NELL2: variants seen among roughly 807,000 people sequenced by gnomAD.
NELL2 encodes the protein neural EGFL like 2, also known as protein kinase C-binding protein NELL2.
In NELL2, 41 loss-of-function variants were observed where a neutral mutation model predicts 109.6. The ratio of observed to expected loss-of-function variants is 0.37; its 90% CI spans 0.29 to 0.49. NELL2 has a LOEUF of 0.49. NELL2 is among the 20% of genes least tolerant of loss of function. The pLI is 0.98. For missense variants in NELL2, 900 were observed against 1,008.3 expected, an observed-to-expected ratio of 0.89 and a Z score of 1.45; for synonymous variants, 355 against 344.7, an observed-to-expected ratio of 1.03 and a Z score of -0.33.
At chr12:44,744,066 C>A (rs545942887) in intron 9 of NELL2, among the ~76,000 whole-genome samples, 5 of 152,218 alleles carry the variant, frequency 3.3e-5, no homozygotes, top group East Asian at 1.9e-4. Flanking sequence ...CACTCCTCAG[C>A]AAATGTAAAG....
In NELL2 at chr12:44,529,709, G is replaced by A. The variant is rs543995243; in HGVS notation, c.1804+2872C>T. Among the ~76,000 whole-genome samples the A allele has an allele frequency of 8.3e-4, 127 of 152,312 alleles. 2 individuals carry two copies. The South Asian group carries it at 0.025, about 30-fold the overall frequency. ...AACTGAGTCAAATCCCTGAGTGGCT[G>A]ATCAAGGAGATAGTAACTGATCAGT... is the stretch of plus-strand genomic sequence containing the variant. On this transcript the variant is annotated intron_variant, in intron 16 of 19. Transcript: ENST00000429094.
intron 2 of NELL2, among the ~76,000 whole-genome samples, chr12:44,840,383 C>T (rs1310282667): frequency 6.6e-6 from 1 of 152,156 alleles, no homozygotes; most frequent in Non-Finnish European, 1.5e-5. Flanking sequence ...AGTTAAATTC[C>T]ACACTGGCTG....
At chr12:44,617,358 T>G (rs1272150678) in intron 13 of NELL2, among the ~76,000 whole-genome samples, 1 of 152,120 alleles carries the variant, frequency 6.6e-6, no homozygotes, top group Non-Finnish European at 1.5e-5. Context: ...AGCTAAGCTT[T>G]CTAAGTTTAA....
chr12:44,754,539 A>G (rs546147039), intron 9 of NELL2, among the ~76,000 whole-genome samples: 2 of 152,202 alleles, frequency 1.3e-5, no homozygotes, highest in African/African-American at 2.4e-5. Flanking sequence ...AAGTTTCATT[A>G]GTTTTAACCT....
chr12:44,837,304 T>C (rs893758909), intron 2 of NELL2, among the ~76,000 whole-genome samples: 1 of 152,228 alleles, frequency 6.6e-6, no homozygotes, highest in African/African-American at 2.4e-5. Flanking sequence ...GGAGCTTCTG[T>C]GTATATCACG....
intron 6 of NELL2, 26 bp from the exon 7 acceptor site, chr12:44,777,150 T>C (rs1021701241): frequency 1.2e-6 from 2 of 1,612,986 alleles, no homozygotes; most frequent in African/African-American, 2.7e-5. Context: ...CTACATTTGG[T>C]CAAGATGCAT....
chr12:44,510,307 T>A, intron 19 of NELL2, among the ~76,000 whole-genome samples: 1 of 152,172 alleles, frequency 6.6e-6, no homozygotes, highest in Admixed American at 6.6e-5. Context: ...TAGTCACACG[T>A]TTTAGATTCA....
chr12:44,619,981 A>G (rs1164054251), intron 13 of NELL2, among the ~76,000 whole-genome samples: 1 of 152,154 alleles, frequency 6.6e-6, no homozygotes, highest in Non-Finnish European at 1.5e-5. Context: ...TAGTGAATCA[A>G]TATTTGAGCC....
At chr12:44,657,559 C>T (rs1362805118) in intron 13 of NELL2, among the ~76,000 whole-genome samples, 1 of 152,078 alleles carries the variant, frequency 6.6e-6, no homozygotes, top group Admixed American at 6.6e-5. Flanking sequence ...ATACACGTGC[C>T]ATGGTGGTTT....
At chr12:44,839,035 G>A (rs186165540) in intron 2 of NELL2, among the ~76,000 whole-genome samples, 2 of 152,304 alleles carry the variant, frequency 1.3e-5, no homozygotes, top group African/African-American at 4.8e-5. Flanking sequence ...TAATGAGGGG[G>A]TTTAATTTTG....
chr12:44,662,757 T>C (rs1485761155), intron 13 of NELL2, among the ~76,000 whole-genome samples: 1 of 152,206 alleles, frequency 6.6e-6, no homozygotes, highest in Admixed American at 6.5e-5. Context: ...TTCTTTAAAT[T>C]AGAATGTCTA....
intron 12 of NELL2, among the ~76,000 whole-genome samples, chr12:44,697,759 T>C (rs1007123730): frequency 6.6e-6 from 1 of 152,174 alleles, no homozygotes; most frequent in Non-Finnish European, 1.5e-5. Context: ...TCATGGACTG[T>C]TAAGCCAAAA....
intron 14 of NELL2, among the ~76,000 whole-genome samples, chr12:44,610,346 T>C (rs1337590497): frequency 1.3e-5 from 2 of 151,490 alleles, no homozygotes; most frequent in Non-Finnish European, 2.9e-5. Flanking sequence ...AAAACAGCTA[T>C]GATGATGTAC....
intron 3 of NELL2, among the ~76,000 whole-genome samples, chr12:44,801,942 C>CTCATT (rs71281679): frequency 0.72 from 108,942 of 151,284 alleles, 39,489 homozygotes; most frequent in Non-Finnish European, 0.76. Flanking sequence ...CAAGGAACTT[C>CTCATT]TCATCACTTT....
intron 2 of NELL2, among the ~76,000 whole-genome samples, chr12:44,860,606 T>A (rs759088166): frequency 1.3e-5 from 2 of 152,176 alleles, no homozygotes; most frequent in Non-Finnish European, 2.9e-5. Flanking sequence ...CAGTCAAGTC[T>A]CACATTGCAT....
intron 3 of NELL2, among the ~76,000 whole-genome samples, chr12:44,814,101 G>A (rs1943260176): frequency 6.6e-6 from 1 of 152,190 alleles, no homozygotes; most frequent in African/African-American, 2.4e-5. Flanking sequence ...AGGACTCACA[G>A]TTGAGGGAAA....
At chr12:44,831,337 T>C (rs1248844414) in intron 2 of NELL2, among the ~76,000 whole-genome samples, 4 of 152,144 alleles carry the variant, frequency 2.6e-5, no homozygotes, top group Non-Finnish European at 5.9e-5. Context: ...CTAGACTAAG[T>C]ATTGCTTCCA....
chr12:44,641,431 C>T (rs990847256), intron 13 of NELL2, among the ~76,000 whole-genome samples: 1 of 151,986 alleles, frequency 6.6e-6, no homozygotes, highest in African/African-American at 2.4e-5. Context: ...TCCAGTAATG[C>T]CCAGTATCTG....
chr12:44,817,243 C>T (rs1299013050), intron 2 of NELL2, among the ~76,000 whole-genome samples: 1 of 152,142 alleles, frequency 6.6e-6, no homozygotes, highest in African/African-American at 2.4e-5. Context: ...GGAAGCAATG[C>T]AGCAGAAACT....
Sources: allele counts gnomAD v4.1 joint callset (sites outside exome capture counted in the v4.1 genomes callset), GRCh38; gene constraint gnomAD v4.1.1; transcripts MANE v1.5; gene names NCBI Gene and HGNC (gene_info 2026-07-23, HGNC 2026-07-21).